The following CDH10 variants were observed in gnomAD, a reference collection of about 807,000 sequenced individuals.
CDH10 encodes the protein cadherin-10.
CDH10 carries 30 observed loss-of-function variants against 73.1 expected under a neutral mutation model. That is an observed-to-expected ratio of 0.41 (90% CI 0.31 to 0.56). The LOEUF is 0.56. Ranked by LOEUF, CDH10 falls within the 20% of genes least tolerant of loss-of-function variation. The pLI is 0.27. For missense variants in CDH10, 815 were observed against 973.7 expected, an observed-to-expected ratio of 0.84 and a Z score of 2.17; for synonymous variants, 345 against 348.2, an observed-to-expected ratio of 0.99 and a Z score of 0.10.
intron 1 of CDH10, among the ~76,000 whole-genome samples, chr5:24,593,826 C>A (rs1247151304): frequency 6.6e-6 from 1 of 151,794 alleles, no homozygotes; most frequent in Admixed American, 6.6e-5. Flanking sequence ...TTTATTTCCA[C>A]CAAATTCTAA....
intron 2 of CDH10, among the ~76,000 whole-genome samples, chr5:24,548,949 T>A (rs1046776046): frequency 6.6e-6 from 1 of 151,986 alleles, no homozygotes; most frequent in Non-Finnish European, 1.5e-5. Context: ...TTTAAGAATA[T>A]AAAACAGGTG....
At position 24,644,765 on chromosome 5, in the gene CDH10, G is replaced by C. The variant is rs1409725835; in HGVS notation, c.-295C>G. 6.7e-6 allele frequency: 1 copy of C among 150,282 alleles called. No homozygotes were observed. Among genetic ancestry groups the C allele is most frequent in the Admixed American group, 6.7e-5 (1 of 14,984 alleles). The allele number at this position is 150,282 out of a possible 1,614,324, so 9.3% of individuals were successfully genotyped here. On this transcript the variant is annotated 5_prime_UTR_variant, in exon 1 of 12. Coordinates refer to ENST00000264463, the MANE Select transcript of CDH10 (RefSeq NM_006727.5). ...ATCACTTTTAACTCTGGACAGCAGG[G>C]AACCGAAGAAAACGGGGGCGAGCTC...
chr5:24,594,218 G>C (rs1746295572), intron 1 of CDH10, among the ~76,000 whole-genome samples: 1 of 151,872 alleles, frequency 6.6e-6, no homozygotes, highest in African/African-American at 2.4e-5. Flanking sequence ...TCCTTGAGTA[G>C]AAAGTAATCA....
intron 2 of CDH10, among the ~76,000 whole-genome samples, chr5:24,585,682 C>G (rs975391320): frequency 5.9e-5 from 9 of 152,208 alleles, no homozygotes; most frequent in African/African-American, 1.9e-4. Context: ...TCTCAGCCTC[C>G]CAAAGTGCCG....
chr5:24,626,794 G>A (rs7380684), intron 1 of CDH10, among the ~76,000 whole-genome samples: 99,497 of 129,240 alleles, frequency 0.77, 36,231 homozygotes, highest in Middle Eastern at 0.86. Flanking sequence ...ATATATATAT[G>A]TGTGTGTGTG....
intron 1 of CDH10, among the ~76,000 whole-genome samples, chr5:24,605,361 A>AG (rs1746725379): frequency 6.6e-6 from 1 of 152,134 alleles, no homozygotes; most frequent in Non-Finnish European, 1.5e-5. Context: ...CAGTAGAGGG[A>AG]GGGGGGATTA....
At chr5:24,577,104 C>T (rs372492035) in intron 2 of CDH10, among the ~76,000 whole-genome samples, 1 of 150,450 alleles carries the variant, frequency 6.6e-6, no homozygotes, top group Non-Finnish European at 1.5e-5. Context: ...AACTGTGAAG[C>T]TTCCACAGCA....
At chr5:24,553,771 C>T (rs10056050) in intron 2 of CDH10, among the ~76,000 whole-genome samples, 100,310 of 151,792 alleles carry the variant, frequency 0.66, 33,266 homozygotes, top group East Asian at 0.76. Context: ...AGATGTGGAA[C>T]CTAATTCCTC....
intron 1 of CDH10, among the ~76,000 whole-genome samples, chr5:24,593,923 C>T (rs1389343180): frequency 6.6e-6 from 1 of 151,724 alleles, no homozygotes; most frequent in African/African-American, 2.4e-5. Context: ...AGATATAGTT[C>T]ATTCTGCATG....
At chr5:24,575,137 A>G (rs1847840) in intron 2 of CDH10, among the ~76,000 whole-genome samples, 77,199 of 151,224 alleles carry the variant, frequency 0.51, 21,861 homozygotes, top group East Asian at 0.68. Context: ...TGAGGCAGGC[A>G]GATCACCTGA....
intron 9 of CDH10, among the ~76,000 whole-genome samples, chr5:24,493,596 A>G (rs1742146688): frequency 1.3e-5 from 2 of 151,934 alleles, no homozygotes; most frequent in African/African-American, 2.4e-5. Context: ...GACATATGAT[A>G]TGATTAACTA....
chr5:24,508,750 C>T (rs1467657901), intron 7 of CDH10, among the ~76,000 whole-genome samples: 2 of 151,610 alleles, frequency 1.3e-5, no homozygotes, highest in African/African-American at 4.9e-5. Flanking sequence ...AACCCCTGAG[C>T]TTAAGCAATA....
At chr5:24,509,387 G>A (rs888553042) in intron 7 of CDH10, among the ~76,000 whole-genome samples, 179 bp downstream of exon 7, 3 of 151,114 alleles carry the variant, frequency 2.0e-5, no homozygotes, top group South Asian at 2.1e-4. Context: ...TTACAGGCAC[G>A]TGCCACCAAG....
intron 1 of CDH10, among the ~76,000 whole-genome samples, chr5:24,639,314 C>T (rs1019852580): frequency 5.9e-5 from 9 of 151,394 alleles, no homozygotes; most frequent in Non-Finnish European, 1.2e-4. Flanking sequence ...TATATTTTTA[C>T]GAAAGGAGAA....
chr5:24,623,841 A>G (rs1196263373), intron 1 of CDH10, among the ~76,000 whole-genome samples: 4 of 152,168 alleles, frequency 2.6e-5, no homozygotes, highest in Non-Finnish European at 2.9e-5. Flanking sequence ...TTTTTTTCAC[A>G]TAACTGTCAA....
intron 1 of CDH10, among the ~76,000 whole-genome samples, chr5:24,621,970 G>A (rs1332170548): frequency 6.6e-6 from 1 of 151,954 alleles, no homozygotes; most frequent in Non-Finnish European, 1.5e-5. Context: ...CTGAGAGAAC[G>A]AAAGAAGATG....
chr5:24,511,201 A>C (rs1742889268), intron 6 of CDH10, 126 bp downstream of exon 6: 1 of 668,440 alleles, frequency 1.5e-6, no homozygotes, highest in Admixed American at 2.7e-5. Context: ...ATGTATGCAC[A>C]GTATAAATTA....
intron 5 of CDH10, among the ~76,000 whole-genome samples, chr5:24,517,998 A>G (rs1362012162): frequency 6.6e-6 from 1 of 152,130 alleles, no homozygotes; most frequent in Non-Finnish European, 1.5e-5. Flanking sequence ...GGTAATATCT[A>G]TTTTTACAGA....
chr5:24,526,924 A>G (rs1743553958), intron 5 of CDH10, among the ~76,000 whole-genome samples: 1 of 151,832 alleles, frequency 6.6e-6, no homozygotes, highest in African/African-American at 2.4e-5. Context: ...ATTTCACTGA[A>G]GTCTGTTTTT....
Sources: gnomAD v4.1 joint callset for allele counts (sites outside exome capture counted in the v4.1 genomes callset) on GRCh38, gnomAD v4.1.1 for gene constraint, MANE v1.5 for transcripts, NCBI Gene and HGNC (gene_info 2026-07-23, HGNC 2026-07-21) for gene names.